Variants in IRAG1 observed in about 807,000 individuals in gnomAD.
IRAG1 encodes the protein inositol 1,4,5-triphosphate receptor associated 1.
In IRAG1, 62 loss-of-function variants were observed where a neutral mutation model predicts 106.2. The ratio of observed to expected loss-of-function variants is 0.58; its 90% CI spans 0.48 to 0.72. The LOEUF is 0.72. Ranked by LOEUF, IRAG1 falls within the 30% of genes least tolerant of loss-of-function variation. IRAG1 has a pLI of 0.00. For missense variants in IRAG1, 1,064 were observed against 1,140.7 expected (o/e 0.93, Z 0.97); for synonymous variants, 462 against 443.9 (o/e 1.04, Z -0.51).
chr11:10,621,032 T>C (rs1325149197), intron 10 of IRAG1, among the ~76,000 whole-genome samples: 1 of 152,198 alleles, frequency 6.6e-6, no homozygotes, highest in African/African-American at 2.4e-5. Context: ...ATTATAAATA[T>C]GGGCAAATAT....
At chr11:10,689,498 C>T (rs1049200158) in intron 1 of IRAG1, among the ~76,000 whole-genome samples, 1 of 152,192 alleles carries the variant, frequency 6.6e-6, no homozygotes, top group African/African-American at 2.4e-5. Flanking sequence ...AAGCTCACAC[C>T]TTGGGCCACA....
intron 9 of IRAG1, among the ~76,000 whole-genome samples, chr11:10,624,814 C>T (rs78947530): frequency 7.4e-4 from 112 of 152,276 alleles, no homozygotes; most frequent in African/African-American, 2.5e-3. Context: ...TTCCCTGTAA[C>T]TTCTCTGGGT....
rs540583945 is a variant in IRAG1, at chr11:10,633,130, A to G, written c.329+838T>C. ...CGCACTGTCGCCCAGGCTGGAGTGC[A>G]GTGGCGCGATCTGGGCTCACTGCAA... On this transcript the variant is annotated intron_variant, in intron 3 of 20. Transcript: ENST00000423302. 8.7e-5 allele frequency among the ~76,000 whole-genome samples: 12 copies of G among 138,076 alleles called. 1 individual carries two copies. In the East Asian group the frequency reaches 1.3e-3, roughly 15 times the overall value. 90.6% of individuals were successfully genotyped at this position (138,076 alleles called of 152,430 possible).
At chr11:10,629,464 C>T (rs1466642493) in intron 5 of IRAG1, 74 bp downstream of exon 5, 22 of 1,514,424 alleles carry the variant, frequency 1.5e-5, no homozygotes, top group Non-Finnish European at 2.0e-5. Flanking sequence ...GCGCCCACTG[C>T]AGCTGGTGCC....
At chr11:10,591,852 T>G (rs1374858749) in intron 17 of IRAG1, among the ~76,000 whole-genome samples, 2 of 152,196 alleles carry the variant, frequency 1.3e-5, no homozygotes, top group Non-Finnish European at 2.9e-5. Context: ...CTAAGTTTCC[T>G]TAAGTGAAGA....
At chr11:10,644,182 G>A (rs867187338) in intron 2 of IRAG1, among the ~76,000 whole-genome samples, 5 of 152,188 alleles carry the variant, frequency 3.3e-5, no homozygotes, top group African/African-American at 1.2e-4. Context: ...ACATCAGTGG[G>A]AAACTTGAGT....
At chr11:10,584,712 C>T (rs971805285) in intron 18 of IRAG1, among the ~76,000 whole-genome samples, 5 of 151,686 alleles carry the variant, frequency 3.3e-5, no homozygotes, top group Non-Finnish European at 7.4e-5. Flanking sequence ...CTGAGGCAAA[C>T]TTGGATTCAA....
At chr11:10,671,747 C>T (rs1386199915) in intron 1 of IRAG1, among the ~76,000 whole-genome samples, 1 of 151,816 alleles carries the variant, frequency 6.6e-6, no homozygotes, top group Non-Finnish European at 1.5e-5. Flanking sequence ...ACAACAACAA[C>T]AACAAAAACC....
At chr11:10,678,782 G>A (rs1218750266) in intron 1 of IRAG1, among the ~76,000 whole-genome samples, 2 of 152,182 alleles carry the variant, frequency 1.3e-5, no homozygotes, top group East Asian at 3.8e-4. Flanking sequence ...TGTAATCGAA[G>A]CTTTTTCCTG....
At position 10,575,641 on chromosome 11, in the gene IRAG1, A is replaced by G. The variant is rs1850775907; in HGVS notation, c.*691T>C. The G allele has an allele frequency of 6.5e-6, 1 of 152,908 alleles. No individual in the cohort carries two copies. Among genetic ancestry groups the G allele is most frequent in the African/African-American group, 2.4e-5 (1 of 41,400 alleles). The allele number at this position is 152,908 out of a possible 1,614,324, so 9.5% of individuals were successfully genotyped here. On this transcript the variant is annotated 3_prime_UTR_variant, in exon 21 of 21. Coordinates refer to ENST00000423302, the MANE Select transcript of IRAG1 (RefSeq NM_130385.4). ...AGGGTTGTTGGCTCTGTGCACAGGC[A>G]TGTTGTGTGTGTGTACACAACAGTA... is the stretch of plus-strand genomic sequence containing the variant.
intron 4 of IRAG1, among the ~76,000 whole-genome samples, chr11:10,631,748 GTTCT>G (rs1038117054): frequency 3.9e-5 from 6 of 152,338 alleles, no homozygotes; most frequent in Non-Finnish European, 5.9e-5. Flanking sequence ...TCACTCAGCT[GTTCT>G]TTCTTTCTTT....
intron 10 of IRAG1, among the ~76,000 whole-genome samples, chr11:10,616,206 C>A (rs1482828880): frequency 1.3e-5 from 2 of 148,308 alleles, no homozygotes; most frequent in East Asian, 4.1e-4. Context: ...GGAAGGAGAG[C>A]GGCGTGAATC....
chr11:10,633,075 C>CTTTTTTTTTTTTTTTTTTTT (rs34222717), intron 3 of IRAG1, among the ~76,000 whole-genome samples: 1 of 124,854 alleles, frequency 8.0e-6, no homozygotes, highest in Non-Finnish European at 1.6e-5. Flanking sequence ...TTCTTTCTTT[C>CTTTTTTTTTTTTTTTTTTTT]TTTTTTTTTT....
chr11:10,660,301 T>C (rs964393009), intron 1 of IRAG1, among the ~76,000 whole-genome samples: 2 of 152,234 alleles, frequency 1.3e-5, no homozygotes, highest in Admixed American at 1.3e-4. Context: ...AATAACTGCT[T>C]TTTAATTATT....
chr11:10,623,710 C>G, intron 10 of IRAG1, 68 bp downstream of exon 10: 1 of 1,416,606 alleles, frequency 7.1e-7, no homozygotes, highest in Non-Finnish European at 1.0e-6. Flanking sequence ...TTTACACATT[C>G]ACCTTCCTTG....
intron 10 of IRAG1, among the ~76,000 whole-genome samples, chr11:10,615,559 T>A (rs1413072303): frequency 3.3e-5 from 5 of 152,104 alleles, no homozygotes; most frequent in African/African-American, 9.7e-5. Flanking sequence ...TAGACTGGAT[T>A]AAGAAAATGT....
chr11:10,680,886 T>G (rs1056898217), intron 1 of IRAG1, among the ~76,000 whole-genome samples: 1 of 152,230 alleles, frequency 6.6e-6, no homozygotes, highest in Non-Finnish European at 1.5e-5. Flanking sequence ...TGAGAGGGAT[T>G]ATGTTACCTA....
chr11:10,598,187 C>T (rs1009150577), intron 15 of IRAG1, among the ~76,000 whole-genome samples: 2 of 152,148 alleles, frequency 1.3e-5, no homozygotes, highest in African/African-American at 4.8e-5. Flanking sequence ...AGACCACAGG[C>T]AAGTGCAAAA....
At chr11:10,687,916 C>A in intron 1 of IRAG1, 1 of 599,970 alleles carries the variant, frequency 1.7e-6, no homozygotes, top group Non-Finnish European at 2.4e-6. Context: ...TGGACACTAT[C>A]ATTACAGGTC....
Sources: allele counts gnomAD v4.1 joint callset (sites outside exome capture counted in the v4.1 genomes callset), GRCh38; gene constraint gnomAD v4.1.1; transcripts MANE v1.5; gene names NCBI Gene and HGNC (gene_info 2026-07-23, HGNC 2026-07-21).